The following CFAP47 variants were observed in gnomAD, a reference collection of about 807,000 sequenced individuals.
CFAP47 encodes the protein cilia and flagella associated protein 47, also known as cilia- and flagella-associated protein 47.
CFAP47 carries 29 observed loss-of-function variants against 148.1 expected under a neutral mutation model. The observed-to-expected ratio is 0.20, with a 90% CI of 0.15 to 0.27. The LOEUF is 0.27. Among genes scored for constraint, CFAP47 ranks in the 10% least tolerant of loss-of-function variants. The pLI is 1.00. For missense variants in CFAP47, 1,872 were observed against 1,697.5 expected (o/e 1.10, Z -1.81); for synonymous variants, 664 against 577.3 (o/e 1.15, Z -2.15).
chrX:35,966,622 A>G lies in CFAP47; in HGVS notation c.1468A>G (p.Ile490Val). The change falls in exon 9 of 64, where the codon ATA (isoleucine) becomes GTA (valine). Residue 490 changes from isoleucine to valine, a missense_variant. By Grantham distance (29) the Ile-to-Val change is conservative. Transcript: ENST00000378653. Reference sequence around the variant, plus strand: ...TGGAGTCTTCAAAGTGAAGCAGATGATAGAGATTATTGGTTTAGTGGCAGA... The same window carrying G: ...TGGAGTCTTCAAAGTGAAGCAGATGGTAGAGATTATTGGTTTAGTGGCAGA... Reference protein sequence around the residue: ...QLGVFKVKQMIEIIGLVAEED... With the variant: ...QLGVFKVKQMVEIIGLVAEED... 1 of 1,162,493 alleles carries G rather than the reference A, an allele frequency of 8.6e-7. No individual in the cohort carries two copies. The highest frequency in any genetic ancestry group is 1.2e-6 in the Non-Finnish European group (1 of 867,725).
At position 35,981,697 on chromosome X, in the gene CFAP47, C is replaced by T. The variant is rs775394100; in HGVS notation, c.2713+5784C>T. 2.4e-3 allele frequency among the ~76,000 whole-genome samples: 262 copies of T among 110,927 alleles called. 1 individual carries two copies. The highest frequency in any genetic ancestry group is 7.8e-3 in the African/African-American group (240 of 30,592). On this transcript the variant is annotated intron_variant, in intron 15 of 63. Transcript: ENST00000378653. ...TCCCAACCTCCATCCTCAAGTAGTACGCAAAGTCTGTTGTCCCCTTCTTTG... is the reference window on the plus strand; with the variant it reads ...TCCCAACCTCCATCCTCAAGTAGTATGCAAAGTCTGTTGTCCCCTTCTTTG...
At chrX:36,027,477 G>A (rs1937232712) in intron 22 of CFAP47, among the ~76,000 whole-genome samples, 1 of 110,860 alleles carries the variant, frequency 9.0e-6, no homozygotes, top group Admixed American at 9.7e-5. Context: ...TGAGGATAAT[G>A]GCTTCCACTT....
At chrX:36,349,914 G>T (rs1941728790) in intron 58 of CFAP47, 124 bp from the exon 59 acceptor site, 1 of 364,692 alleles carries the variant, frequency 2.7e-6, no homozygotes, top group Non-Finnish European at 4.8e-6. Context: ...TTCATCAGTT[G>T]CTCTCTACCA....
At chrX:36,334,876 T>G (rs1941592028) in intron 57 of CFAP47, among the ~76,000 whole-genome samples, 1 of 110,320 alleles carries the variant, frequency 9.1e-6, no homozygotes, top group South Asian at 3.9e-4. Context: ...ACTCTAAAAA[T>G]GTTGGAGTAT....
chrX:36,155,396 A>G (rs1281638979), intron 37 of CFAP47, among the ~76,000 whole-genome samples: 1 of 111,800 alleles, frequency 8.9e-6, no homozygotes, highest in African/African-American at 3.2e-5. Flanking sequence ...TAGGCTTCAC[A>G]TTAGGGTGAA....
chrX:36,088,656 A>T (rs2146780406), intron 30 of CFAP47, among the ~76,000 whole-genome samples: 1 of 111,331 alleles, frequency 9.0e-6, no homozygotes, highest in Non-Finnish European at 1.9e-5. Context: ...CAGCATCCAG[A>T]ATGGTGAAAG....
At chrX:36,118,200 T>C (rs1450268866) in intron 33 of CFAP47, among the ~76,000 whole-genome samples, 1 of 111,934 alleles carries the variant, frequency 8.9e-6, no homozygotes, top group Non-Finnish European at 1.9e-5. Flanking sequence ...GTTCATTTTG[T>C]TTAGTATAAC....
At chrX:36,029,985 G>A (rs1393895636) in intron 22 of CFAP47, among the ~76,000 whole-genome samples, 1 of 109,696 alleles carries the variant, frequency 9.1e-6, no homozygotes, top group East Asian at 2.8e-4. Flanking sequence ...ACTTTTTTCT[G>A]TTGACTACAT....
rs782380723 is a variant in CFAP47 at position 36,220,617 on chromosome X, G to C, written c.6818-8011G>C. Among the ~76,000 whole-genome samples the C allele has an allele frequency of 2.1e-4, 23 of 110,747 alleles. No homozygotes were observed. The Admixed American group carries it at 2.1e-3, about 10-fold the overall frequency. Reference sequence around the variant, plus strand: ...CCATAGTTAGAACTAAGAGATTGCTGTAAAGTAAATATGGAATGAGGTCCT... The same window carrying C: ...CCATAGTTAGAACTAAGAGATTGCTCTAAAGTAAATATGGAATGAGGTCCT... On this transcript the variant is annotated intron_variant, in intron 45 of 63. Transcript: ENST00000378653.
chrX:35,957,435 G>T (rs919356301), intron 8 of CFAP47, among the ~76,000 whole-genome samples: 11 of 111,278 alleles, frequency 9.9e-5, no homozygotes, highest in African/African-American at 2.6e-4. Flanking sequence ...TCTTCCAATT[G>T]CAATTAAGAA....
At chrX:36,340,777 C>T (rs1031428191) in intron 57 of CFAP47, among the ~76,000 whole-genome samples, 1 of 110,493 alleles carries the variant, frequency 9.1e-6, no homozygotes, top group Non-Finnish European at 1.9e-5. Context: ...TTACAGGATG[C>T]GACTCTCCTT....
At chrX:36,375,109 G>C in intron 62 of CFAP47, 7 of 366,075 alleles carry the variant, frequency 1.9e-5, no homozygotes, top group Non-Finnish European at 3.0e-5. Context: ...GACCTAATAA[G>C]AACCTGGCGT....
At chrX:36,342,234 A>G (rs1383435241) in intron 57 of CFAP47, among the ~76,000 whole-genome samples, 1 of 111,331 alleles carries the variant, frequency 9.0e-6, no homozygotes, top group African/African-American at 3.3e-5. Flanking sequence ...CACTTTATAT[A>G]ATGAGGTTGG....
chrX:36,321,853 C>T (rs782495754), intron 57 of CFAP47, among the ~76,000 whole-genome samples: 4 of 111,859 alleles, frequency 3.6e-5, no homozygotes, highest in South Asian at 3.6e-4. Context: ...TCATTAAATA[C>T]GTGAGCCATT....
chrX:36,054,663 G>C (rs542561478), intron 26 of CFAP47, among the ~76,000 whole-genome samples: 12 of 111,007 alleles, frequency 1.1e-4, no homozygotes, highest in African/African-American at 3.6e-4. Context: ...TTTGTAATAC[G>C]GTTTTCAGAA....
intron 45 of CFAP47, among the ~76,000 whole-genome samples, chrX:36,212,871 G>A (rs1045637194): frequency 6.3e-5 from 7 of 110,977 alleles, no homozygotes; most frequent in East Asian, 2.9e-4. Flanking sequence ...TCAGCACTTC[G>A]GGAGGCCAAG....
chrX:36,378,088 T>G (rs6632596), intron 62 of CFAP47, among the ~76,000 whole-genome samples: 34,702 of 110,941 alleles, frequency 0.31, 6,754 homozygotes, highest in African/African-American at 0.73. Flanking sequence ...TGTTTTTGGA[T>G]GCTGAACTTG....
At chrX:35,966,284 T>TGCTAATATTTAAGAAATATTAGCA (rs1936402857) in intron 8 of CFAP47, among the ~76,000 whole-genome samples, 2 of 110,361 alleles carry the variant, frequency 1.8e-5, no homozygotes, top group East Asian at 2.9e-4. Flanking sequence ...AAATATTAGC[T>TGCTAATATTTAAGAAATATTAGCA]GCTAATATTT....
chrX:36,250,607 T>A (rs1940679602), intron 48 of CFAP47, among the ~76,000 whole-genome samples: 1 of 110,456 alleles, frequency 9.1e-6, no homozygotes, highest in Non-Finnish European at 1.9e-5. Flanking sequence ...AATGCATAGA[T>A]TAATTAGTTT....
Sources: allele counts gnomAD v4.1 joint callset (sites outside exome capture counted in the v4.1 genomes callset), GRCh38; gene constraint gnomAD v4.1.1; transcripts MANE v1.5; gene names NCBI Gene and HGNC (gene_info 2026-07-23, HGNC 2026-07-21).